Variants in ST8SIA1 observed in about 807,000 individuals in gnomAD.
ST8SIA1 encodes ST8 alpha-N-acetyl-neuraminide alpha-2,8-sialyltransferase 1, also known as alpha-N-acetylneuraminide alpha-2,8-sialyltransferase.
ST8SIA1 carries 16 observed loss-of-function variants against 35.9 expected under a neutral mutation model. The observed-to-expected ratio is 0.45, with a 90% CI of 0.30 to 0.68. The LOEUF is 0.68. Ranked by LOEUF, ST8SIA1 falls within the 30% of genes least tolerant of loss-of-function variation. ST8SIA1 has a pLI of 0.09. For missense variants in ST8SIA1, 383 were observed against 453.6 expected, an observed-to-expected ratio of 0.84 and a Z score of 1.41; for synonymous variants, 170 against 169.6, an observed-to-expected ratio of 1.00 and a Z score of -0.02.
At chr12:22,285,877 C>CAAAAAAAAACAAAAAAA (rs60441064) in intron 2 of ST8SIA1, among the ~76,000 whole-genome samples, 1 of 103,674 alleles carries the variant, frequency 9.6e-6, no homozygotes, top group African/African-American at 3.7e-5. Flanking sequence ...CTGTCAAAAA[C>CAAAAAAAAACAAAAAAA]AAAAAAAAAA....
intron 2 of ST8SIA1, among the ~76,000 whole-genome samples, chr12:22,277,453 G>A (rs982353981): frequency 1.4e-5 from 2 of 146,678 alleles, no homozygotes; most frequent in African/African-American, 5.1e-5. Flanking sequence ...TGCAACCTCT[G>A]CCTCCTGGGT....
intron 2 of ST8SIA1, among the ~76,000 whole-genome samples, chr12:22,261,618 A>G (rs947222046): frequency 5.3e-5 from 8 of 152,178 alleles, no homozygotes; most frequent in African/African-American, 1.7e-4. Context: ...CATCTAATCC[A>G]TTCTCAGCAG....
chr12:22,227,317 G>A (rs936798129), intron 4 of ST8SIA1, among the ~76,000 whole-genome samples: 4 of 151,906 alleles, frequency 2.6e-5, no homozygotes, highest in Non-Finnish European at 5.9e-5. Flanking sequence ...GCTCACACCT[G>A]TAATCCCAGC....
chr12:22,328,092 C>T (rs973515058), intron 1 of ST8SIA1, among the ~76,000 whole-genome samples: 2 of 152,140 alleles, frequency 1.3e-5, no homozygotes, highest in Non-Finnish European at 2.9e-5. Context: ...TACAATGTAC[C>T]GGACAGCACT....
At chr12:22,237,375 A>G (rs1865487238) in intron 4 of ST8SIA1, among the ~76,000 whole-genome samples, 3 of 152,132 alleles carry the variant, frequency 2.0e-5, no homozygotes. Context: ...AAGAGCTGGG[A>G]TTGCAGGTGT....
chr12:22,230,670 T>C (rs1206893620), intron 4 of ST8SIA1, among the ~76,000 whole-genome samples: 2 of 152,184 alleles, frequency 1.3e-5, no homozygotes, highest in Non-Finnish European at 2.9e-5. Context: ...TTACCCCTTA[T>C]AAACTACTAA....
intron 1 of ST8SIA1, among the ~76,000 whole-genome samples, chr12:22,294,988 A>T (rs1432993967): frequency 6.6e-6 from 1 of 152,072 alleles, no homozygotes; most frequent in Non-Finnish European, 1.5e-5. Context: ...GACCTCACTC[A>T]TTCAGTCAAT....
chr12:22,242,792 G>A (rs952481887), intron 4 of ST8SIA1, among the ~76,000 whole-genome samples: 1 of 152,154 alleles, frequency 6.6e-6, no homozygotes, highest in African/African-American at 2.4e-5. Flanking sequence ...GAAGAAAAAG[G>A]ATAATAGTAA....
chr12:22,254,803 C>G (rs11612801), intron 3 of ST8SIA1, among the ~76,000 whole-genome samples: 32,498 of 152,118 alleles, frequency 0.21, 3,590 homozygotes, highest in Middle Eastern at 0.29. Flanking sequence ...CTCCTTTGTT[C>G]CCGTTTTCCC....
At chr12:22,261,386 C>T (rs777603256) in intron 2 of ST8SIA1, among the ~76,000 whole-genome samples, 5 of 152,162 alleles carry the variant, frequency 3.3e-5, no homozygotes, top group Non-Finnish European at 7.3e-5. Context: ...GCCTCGGCCT[C>T]CCAAAGTGCT....
chr12:22,221,543 C>T (rs35794118), intron 4 of ST8SIA1, among the ~76,000 whole-genome samples: 16,315 of 152,234 alleles, frequency 0.11, 1,128 homozygotes, highest in Middle Eastern at 0.21. Context: ...CACTTGCTCT[C>T]TTCAATTTCA....
intron 1 of ST8SIA1, among the ~76,000 whole-genome samples, chr12:22,296,527 CA>C (rs1237514201): frequency 1.3e-5 from 2 of 152,164 alleles, no homozygotes; most frequent in Non-Finnish European, 2.9e-5. Flanking sequence ...TTAGACTCTT[CA>C]ATTTTGATTC....
At position 22,334,026 on chromosome 12, in the gene ST8SIA1, C is replaced by T; in HGVS notation, c.207G>A (p.Arg69=). 1 of 1,613,960 alleles carries T rather than the reference C, an allele frequency of 6.2e-7. No individual in the cohort carries two copies. Among genetic ancestry groups the T allele is most frequent in the South Asian group, 1.1e-5 (1 of 91,078 alleles). Residue 69 remains arginine (R), a synonymous_variant, in exon 1 of 5, where the codon AGG becomes AGA. Coordinates refer to ENST00000396037, the MANE Select transcript of ST8SIA1 (RefSeq NM_003034.4). ...ACGCTCTGGCCGCGGTCTGGTTCCT[C>T]CTCCACGCCGTGCCCTGTTGCAGCA... is the stretch of plus-strand genomic sequence containing the variant. The part of the protein sequence containing the change: ...QGVLQQGTAW[R]RNQTAARAFR...
At chr12:22,320,973 AAG>A (rs1565595883) in intron 1 of ST8SIA1, among the ~76,000 whole-genome samples, 1 of 92,646 alleles carries the variant, frequency 1.1e-5, no homozygotes, top group Non-Finnish European at 2.1e-5. Context: ...GAAAGAAAGA[AAG>A]AAAGAAAGAA....
intron 2 of ST8SIA1, among the ~76,000 whole-genome samples, chr12:22,271,319 C>T (rs1865909509): frequency 6.6e-6 from 1 of 152,156 alleles, no homozygotes; most frequent in African/African-American, 2.4e-5. Flanking sequence ...GCTTCTCAAG[C>T]ACAACTTAAT....
intron 4 of ST8SIA1, among the ~76,000 whole-genome samples, chr12:22,204,192 C>T (rs1453939581): frequency 2.0e-5 from 3 of 149,758 alleles, no homozygotes; most frequent in Non-Finnish European, 4.5e-5. Flanking sequence ...AAAAAAAAAT[C>T]AACCTCTCCA....
intron 1 of ST8SIA1, among the ~76,000 whole-genome samples, chr12:22,321,254 T>C (rs1866596768): frequency 6.6e-6 from 1 of 152,168 alleles, no homozygotes; most frequent in African/African-American, 2.4e-5. Context: ...GTGGCAAGGA[T>C]AGGGGATCTC....
At chr12:22,211,327 C>T (rs1284246054) in intron 4 of ST8SIA1, among the ~76,000 whole-genome samples, 1 of 152,200 alleles carries the variant, frequency 6.6e-6, no homozygotes, top group Non-Finnish European at 1.5e-5. Flanking sequence ...CCTTCAGCCC[C>T]TCTCTCCTCC....
intron 1 of ST8SIA1, chr12:22,325,970 A>C: frequency 1.5e-6 from 1 of 658,814 alleles, no homozygotes. Context: ...GGCAAGACAT[A>C]GTGGGACAAA....
Sources: allele counts gnomAD v4.1 joint callset (sites outside exome capture counted in the v4.1 genomes callset), GRCh38; gene constraint gnomAD v4.1.1; transcripts MANE v1.5; gene names NCBI Gene and HGNC (gene_info 2026-07-23, HGNC 2026-07-21).